PABPC4L: variants seen among roughly 807,000 people sequenced by gnomAD.
The protein encoded by PABPC4L is polyadenylate-binding protein 4-like.
For missense variants in PABPC4L, 452 were observed against 451.4 expected (o/e 1.00, Z -0.01); for synonymous variants, 169 against 164.1 (o/e 1.03, Z -0.23).
chr4:133,970,445 T>G, the PABPC4L span, among the ~76,000 whole-genome samples: 1 of 152,172 alleles, frequency 6.6e-6, no homozygotes, highest in African/African-American at 2.4e-5. Flanking sequence ...AGCTAAAGCA[T>G]CCCCTCTGAG....
chr4:134,006,214 TATTA>T, the PABPC4L span, among the ~76,000 whole-genome samples: 1 of 151,934 alleles, frequency 6.6e-6, no homozygotes, highest in Non-Finnish European at 1.5e-5. Flanking sequence ...TATAAGAATT[TATTA>T]ATTTTCATCT....
chr4:134,064,163 A>G, the PABPC4L span, among the ~76,000 whole-genome samples: 1 of 152,058 alleles, frequency 6.6e-6, no homozygotes, highest in South Asian at 2.1e-4. Flanking sequence ...GAGGAATAAT[A>G]TCTAAATCCG....
At chr4:134,071,657 G>A in the PABPC4L span, among the ~76,000 whole-genome samples, 61 of 152,224 alleles carry the variant, frequency 4.0e-4, no homozygotes, top group East Asian at 0.012. Context: ...AAAGGAGACT[G>A]TTGTTTTCTC....
the PABPC4L span, among the ~76,000 whole-genome samples, chr4:134,015,201 G>C: frequency 1.3e-5 from 2 of 152,162 alleles, no homozygotes; most frequent in Admixed American, 6.5e-5. Flanking sequence ...CCTGTTATCA[G>C]TCACCTGTTA....
the PABPC4L span, among the ~76,000 whole-genome samples, chr4:134,077,307 G>A: frequency 5.3e-5 from 8 of 152,016 alleles, no homozygotes; most frequent in African/African-American, 1.9e-4. Context: ...GGCAATCTGG[G>A]CACAGAGTCT....
Position 134,197,579 on chromosome 4 carries a change from A to T in PABPC4L, c.*2328T>A, listed in dbSNP as rs902463004. ...GGGAAAAGTCTAAAATGTAGTCATA[A>T]TATGCAAAGAAATCTAAAAATCCAT... On this transcript the variant is annotated 3_prime_UTR_variant, in exon 2 of 2. Coordinates refer to ENST00000421491, the MANE Select transcript of PABPC4L (RefSeq NM_001114734.2). The T allele has an allele frequency of 6.6e-6, 1 of 151,780 alleles. No individual in the cohort carries two copies. Among genetic ancestry groups the T allele is most frequent in the African/African-American group, 2.4e-5 (1 of 41,436 alleles). The allele number at this position is 151,780 out of a possible 1,614,324, so 9.4% of individuals were successfully genotyped here. A position where few individuals can be genotyped will look rare whatever the true frequency, so the allele number is the denominator to read the frequency against.
chr4:133,958,552 T>G, the PABPC4L span, among the ~76,000 whole-genome samples: 1 of 152,210 alleles, frequency 6.6e-6, no homozygotes, highest in South Asian at 2.1e-4. Context: ...ATTAATCCAT[T>G]TTCATGCTGC....
At chr4:134,096,467 T>C in the PABPC4L span, among the ~76,000 whole-genome samples, 2 of 151,996 alleles carry the variant, frequency 1.3e-5, no homozygotes, top group African/African-American at 4.8e-5. Context: ...AAAATATTCA[T>C]AAAAATATTG....
chr4:134,024,950 A>G, the PABPC4L span, among the ~76,000 whole-genome samples: 1 of 125,200 alleles, frequency 8.0e-6, no homozygotes, highest in African/African-American at 3.1e-5. Context: ...TTTTTTTTTA[A>G]GAAAAGGGGT....
chr4:134,036,770 A>T, the PABPC4L span, among the ~76,000 whole-genome samples: 2 of 152,114 alleles, frequency 1.3e-5, no homozygotes, highest in Admixed American at 1.3e-4. Context: ...AAGTTGGGTA[A>T]TATAGGCCAA....
the PABPC4L span, among the ~76,000 whole-genome samples, chr4:134,097,971 AG>A: frequency 6.6e-6 from 1 of 151,820 alleles, no homozygotes; most frequent in Non-Finnish European, 1.5e-5. Flanking sequence ...TTATCCTGAT[AG>A]GGAAAGGTTC....
the PABPC4L span, among the ~76,000 whole-genome samples, chr4:134,073,680 T>G: frequency 6.6e-6 from 1 of 152,200 alleles, no homozygotes; most frequent in East Asian, 1.9e-4. Flanking sequence ...GCAACAGACT[T>G]CTGCCTGCAC....
At chr4:134,138,513 A>G in the PABPC4L span, among the ~76,000 whole-genome samples, 3 of 151,888 alleles carry the variant, frequency 2.0e-5, no homozygotes, top group Non-Finnish European at 4.4e-5. Flanking sequence ...TCATTTTAGT[A>G]TAGGTGAAGC....
chr4:134,059,611 A>C, the PABPC4L span, among the ~76,000 whole-genome samples: 1 of 151,508 alleles, frequency 6.6e-6, no homozygotes, highest in Non-Finnish European at 1.5e-5. Context: ...GATATCATAA[A>C]ATTAATAATA....
chr4:134,091,882 A>G, the PABPC4L span, among the ~76,000 whole-genome samples: 1 of 152,050 alleles, frequency 6.6e-6, no homozygotes. Flanking sequence ...TTACTTTCTT[A>G]ATGTAGCATT....
At chr4:134,019,249 C>A in the PABPC4L span, among the ~76,000 whole-genome samples, 1 of 152,072 alleles carries the variant, frequency 6.6e-6, no homozygotes, top group South Asian at 2.1e-4. Flanking sequence ...TACTAAATGA[C>A]AAGGGATGAA....
the PABPC4L span, among the ~76,000 whole-genome samples, chr4:134,079,709 G>C: frequency 6.6e-6 from 1 of 151,110 alleles, no homozygotes; most frequent in African/African-American, 2.4e-5. Flanking sequence ...GAGAGAGAGA[G>C]AGAGAAAGAG....
the PABPC4L span, among the ~76,000 whole-genome samples, chr4:134,035,082 T>C: frequency 6.6e-6 from 1 of 152,018 alleles, no homozygotes; most frequent in Non-Finnish European, 1.5e-5. Context: ...CAGTCAGCAG[T>C]CATCAACGTG....
the PABPC4L span, among the ~76,000 whole-genome samples, chr4:134,168,072 T>C: frequency 6.6e-6 from 1 of 151,946 alleles, no homozygotes; most frequent in South Asian, 2.1e-4. Context: ...TCAAAATAAT[T>C]ACCTTTTCTG....
Sources: allele counts gnomAD v4.1 joint callset (sites outside exome capture counted in the v4.1 genomes callset), GRCh38; gene constraint gnomAD v4.1.1; transcripts MANE v1.5; gene names NCBI Gene and HGNC (gene_info 2026-07-23, HGNC 2026-07-21).